EDEM3: variants seen among roughly 807,000 people sequenced by gnomAD.
The protein encoded by EDEM3 is ER degradation-enhancing alpha-mannosidase-like protein 3.
EDEM3 carries 60 observed loss-of-function variants against 110.2 expected under a neutral mutation model. That is an observed-to-expected ratio of 0.54 (90% CI 0.44 to 0.67). The LOEUF (loss-of-function observed/expected upper bound fraction) is 0.67, where lower values mean the gene tolerates loss of function less well. Ranked by LOEUF, EDEM3 falls within the 30% of genes least tolerant of loss-of-function variation. EDEM3 has a pLI of 0.00. For synonymous variants in EDEM3, 352 were observed against 382.9 expected, an observed-to-expected ratio of 0.92 and a Z score of 0.94; for missense variants, 996 against 1,121.0, an observed-to-expected ratio of 0.89 and a Z score of 1.59.
chr1:184,730,417 T>C (rs1462045578), intron 6 of EDEM3, among the ~76,000 whole-genome samples: 1 of 151,872 alleles, frequency 6.6e-6, no homozygotes, highest in Non-Finnish European at 1.5e-5. Context: ...ACTCCATCTC[T>C]ACAAAAATTT....
chr1:184,711,669 T>C (rs1430309005), intron 15 of EDEM3, 54 bp downstream of exon 15: 2 of 1,486,468 alleles, frequency 1.3e-6, no homozygotes, highest in African/African-American at 1.4e-5. Context: ...AAGTTCTCTG[T>C]CATTTACTAA....
At chr1:184,740,356 A>G (rs1447502728) in intron 2 of EDEM3, among the ~76,000 whole-genome samples, 1 of 152,184 alleles carries the variant, frequency 6.6e-6, no homozygotes, top group Non-Finnish European at 1.5e-5. Flanking sequence ...ACAAGTTTCA[A>G]TTACTACAAA....
chr1:184,692,306 T>C lies in EDEM3; in HGVS notation c.*1757A>G, dbSNP rs1384675936. The C allele has an allele frequency of 6.6e-6, 1 of 152,174 alleles. No individual in the cohort carries two copies. The highest frequency in any genetic ancestry group is 1.5e-5 in the Non-Finnish European group (1 of 68,002). The allele number at this position is 152,174 out of a possible 1,614,324, so 9.4% of individuals were successfully genotyped here. On this transcript the variant is annotated 3_prime_UTR_variant, in exon 20 of 20. Coordinates refer to ENST00000318130, the MANE Select transcript of EDEM3 (RefSeq NM_025191.4). ...ATGCAGAGAGACTAAAAATATCCATTTTGGTTTCAGGTATAATTAAAAGCC... is the reference window on the plus strand; with the variant it reads ...ATGCAGAGAGACTAAAAATATCCATCTTGGTTTCAGGTATAATTAAAAGCC...
At chr1:184,737,172 G>A (rs16823413) in intron 3 of EDEM3, 108 bp from the exon 4 acceptor site, 51,397 of 884,354 alleles carry the variant, frequency 0.058, 1,786 homozygotes, top group African/African-American at 0.12. Flanking sequence ...CTATAAATTA[G>A]TACTTCCATG....
intron 1 of EDEM3, among the ~76,000 whole-genome samples, chr1:184,753,264 AT>A (rs923078168): frequency 5.4e-5 from 8 of 149,134 alleles, no homozygotes; most frequent in African/African-American, 1.7e-4. Context: ...TACAACTTGC[AT>A]TTTTTTTTGT....
Position 184,742,181 on chromosome 1 carries a change from A to G in EDEM3, c.205-4470T>C, listed in dbSNP as rs148869068. Among the ~76,000 whole-genome samples the G allele has an allele frequency of 8.5e-5, 13 of 152,294 alleles. 1 individual carries two copies. The East Asian group carries it at 2.5e-3, about 29-fold the overall frequency. ...AAAAATACACACAGAAAGGGGGGGA[A>G]ATAACTTTCAAAGCAGGTTAAAGAA... On this transcript the variant is annotated intron_variant, in intron 2 of 19. Transcript: ENST00000318130.
intron 18 of EDEM3, among the ~76,000 whole-genome samples, chr1:184,705,386 A>G (rs1649859987): frequency 6.6e-6 from 1 of 152,180 alleles, no homozygotes; most frequent in South Asian, 2.1e-4. Flanking sequence ...TGATGAATAA[A>G]TATTTCAGGC....
intron 13 of EDEM3, among the ~76,000 whole-genome samples, chr1:184,715,303 T>C (rs547015145): frequency 6.6e-6 from 1 of 152,314 alleles, no homozygotes; most frequent in South Asian, 2.1e-4. Flanking sequence ...GATGTTACAC[T>C]TTGAAAAATA....
rs908662838 is a variant in EDEM3, at chr1:184,749,565, A to T, written c.186T>A (p.His62Gln). ...TACTTACCATATAGTTACCATAAGC[A>T]TGATCAAACATTTCCAGTACTTGAT... Reference protein sequence around the residue: ...LGNQVLEMFDHAYGNYMEHAY... With the variant: ...LGNQVLEMFDQAYGNYMEHAY... Residue 62 changes from histidine to glutamine, a missense_variant, in exon 2 of 20, where the codon CAT becomes CAA. His to Gln is a conservative substitution (Grantham distance 24, BLOSUM62 0). This residue lies in a region of EDEM3 where 200 missense variants were observed against 183.8 expected (regional missense o/e 1.09). Coordinates refer to ENST00000318130, the MANE Select transcript of EDEM3 (RefSeq NM_025191.4). 4.4e-6 allele frequency: 7 copies of T among 1,574,262 alleles called. No individual in the cohort carries two copies. The highest frequency in any genetic ancestry group is 5.2e-6 in the Non-Finnish European group (6 of 1,160,212).
In EDEM3 at chr1:184,742,475, T is replaced by G. The variant is rs138298956; in HGVS notation, c.205-4764A>C. ...GGTGCAATCTCAGCTCACTGCAACCTCTGCCTCCCAGGTTCAACAATTCTC... is the reference window on the plus strand; with the variant it reads ...GGTGCAATCTCAGCTCACTGCAACCGCTGCCTCCCAGGTTCAACAATTCTC... On this transcript the variant is annotated intron_variant, in intron 2 of 19. Transcript: ENST00000318130. 2.8e-3 allele frequency among the ~76,000 whole-genome samples: 426 copies of G among 152,318 alleles called. 5 individuals are homozygous for G. The East Asian group carries it at 0.036, about 13-fold the overall frequency.
At chr1:184,714,801 A>G (rs1487559234) in intron 13 of EDEM3, among the ~76,000 whole-genome samples, 1 of 150,750 alleles carries the variant, frequency 6.6e-6, no homozygotes, top group Non-Finnish European at 1.5e-5. Flanking sequence ...AGTTTACACT[A>G]AAAAAAAGAA....
chr1:184,693,213 T>G lies in EDEM3; in HGVS notation c.*850A>C, dbSNP rs1485120545. 1 of 154,948 alleles carries G rather than the reference T, an allele frequency of 6.5e-6. No individual in the cohort carries two copies. The highest frequency in any genetic ancestry group is 2.4e-5 in the African/African-American group (1 of 41,510). 9.6% of individuals were successfully genotyped at this position (154,948 alleles called of 1,614,324 possible). ...ACTGGAAATGATTTATAATCTACCC[T>G]ACAAGGATATAATGCTAGGTTCCAT... On this transcript the variant is annotated 3_prime_UTR_variant, in exon 20 of 20. Coordinates refer to ENST00000318130, the MANE Select transcript of EDEM3 (RefSeq NM_025191.4).
At chr1:184,702,760 G>A (rs1649691995) in intron 19 of EDEM3, 51 bp downstream of exon 19, 2 of 1,355,050 alleles carry the variant, frequency 1.5e-6, no homozygotes, top group East Asian at 2.7e-5. Flanking sequence ...TATCAAACTA[G>A]CAAAATTAAT....
chr1:184,747,709 A>T (rs1294596124), intron 2 of EDEM3, among the ~76,000 whole-genome samples: 2 of 152,254 alleles, frequency 1.3e-5, no homozygotes, highest in Non-Finnish European at 2.9e-5. Flanking sequence ...TAATTGTAGC[A>T]GAAAGTTACT....
chr1:184,744,701 T>C (rs1652333035), intron 2 of EDEM3, among the ~76,000 whole-genome samples: 1 of 152,028 alleles, frequency 6.6e-6, no homozygotes, highest in Non-Finnish European at 1.5e-5. Flanking sequence ...GAAATTATGT[T>C]CAATCAAATC....
At chr1:184,749,463 G>T in intron 2 of EDEM3, 84 bp downstream of exon 2, 1 of 1,053,134 alleles carries the variant, frequency 9.5e-7, no homozygotes. Context: ...TAATTGTATT[G>T]TAGGTTTCAA....
At chr1:184,738,586 G>A (rs1651959966) in intron 2 of EDEM3, among the ~76,000 whole-genome samples, 1 of 148,854 alleles carries the variant, frequency 6.7e-6, no homozygotes, top group South Asian at 2.1e-4. Flanking sequence ...ACTAATTTTT[G>A]GTAAATGCTA....
chr1:184,722,296 G>T (rs1250343289), intron 8 of EDEM3, among the ~76,000 whole-genome samples: 1 of 151,824 alleles, frequency 6.6e-6, no homozygotes, highest in Non-Finnish European at 1.5e-5. Context: ...ATTTTTAAAT[G>T]AGTCTTTTTA....
intron 9 of EDEM3, chr1:184,720,550 C>T (rs1226633847): frequency 7.2e-6 from 1 of 138,710 alleles, no homozygotes; most frequent in Non-Finnish European, 1.5e-5. Context: ...CGCTCTGTCG[C>T]CCAGGCTGGA....
Sources: allele counts gnomAD v4.1 joint callset (sites outside exome capture counted in the v4.1 genomes callset), GRCh38; gene constraint gnomAD v4.1.1; regional missense constraint gnomAD v4.1.1; transcripts MANE v1.5; gene names NCBI Gene and HGNC (gene_info 2026-07-23, HGNC 2026-07-21).